EDIL3: variants seen among roughly 807,000 people sequenced by gnomAD.
The protein encoded by EDIL3 is EGF-like repeat and discoidin I-like domain-containing protein 3.
In EDIL3, 37 loss-of-function variants were observed where a neutral mutation model predicts 67.4. The ratio of observed to expected loss-of-function variants is 0.55; its 90% CI spans 0.42 to 0.72. EDIL3 has a LOEUF of 0.72. Among genes scored for constraint, EDIL3 ranks in the 30% least tolerant of loss-of-function variants. The pLI is 0.00. For synonymous variants in EDIL3, 195 were observed against 196.3 expected (o/e 0.99, Z 0.05); for missense variants, 527 against 586.3 (o/e 0.90, Z 1.04).
intron 1 of EDIL3, among the ~76,000 whole-genome samples, chr5:84,312,602 C>A (rs570801952): frequency 1.3e-4 from 18 of 135,724 alleles, no homozygotes; most frequent in African/African-American, 3.5e-4. Flanking sequence ...GCTGGCCGGG[C>A]GGGGGGCTGA....
intron 1 of EDIL3, among the ~76,000 whole-genome samples, chr5:84,283,125 G>C (rs1745737835): frequency 6.6e-6 from 1 of 151,924 alleles, no homozygotes; most frequent in African/African-American, 2.4e-5. Flanking sequence ...TCATATATAG[G>C]AGCAGATATA....
intron 9 of EDIL3, among the ~76,000 whole-genome samples, chr5:84,015,067 A>C (rs779029542): frequency 1.3e-5 from 2 of 152,158 alleles, no homozygotes; most frequent in Non-Finnish European, 2.9e-5. Flanking sequence ...ATAAACCCAC[A>C]AATACTCCAG....
chr5:83,944,019 CAG>C (rs1443267310), intron 10 of EDIL3, among the ~76,000 whole-genome samples: 1 of 151,974 alleles, frequency 6.6e-6, no homozygotes, highest in Non-Finnish European at 1.5e-5. Flanking sequence ...GCAGACTGTG[CAG>C]AGTGTTTAAG....
At chr5:83,951,118 G>C (rs1373203534) in intron 10 of EDIL3, among the ~76,000 whole-genome samples, 1 of 151,594 alleles carries the variant, frequency 6.6e-6, no homozygotes, top group Non-Finnish European at 1.5e-5. Flanking sequence ...TCTAATTATA[G>C]AACATTTTTG....
At chr5:84,284,585 G>A (rs973512621) in intron 1 of EDIL3, among the ~76,000 whole-genome samples, 5 of 152,134 alleles carry the variant, frequency 3.3e-5, no homozygotes, top group African/African-American at 1.2e-4. Context: ...TATTTCCAAG[G>A]AAACTAGTGG....
At chr5:84,314,562 C>G (rs76937044) in intron 1 of EDIL3, among the ~76,000 whole-genome samples, 2,370 of 152,180 alleles carry the variant, frequency 0.016, 71 homozygotes, top group African/African-American at 0.055. Flanking sequence ...TAAATTTCAC[C>G]ATGCTAAAAT....
intron 1 of EDIL3, among the ~76,000 whole-genome samples, chr5:84,356,898 T>TC (rs1747497837): frequency 1.4e-5 from 2 of 142,334 alleles, no homozygotes; most frequent in African/African-American, 2.6e-5. Flanking sequence ...TCTTTTTTTT[T>TC]TTTTTTTTTT....
intron 3 of EDIL3, among the ~76,000 whole-genome samples, chr5:84,199,866 C>G (rs1174942349): frequency 1.3e-5 from 2 of 152,004 alleles, no homozygotes; most frequent in African/African-American, 4.8e-5. Flanking sequence ...AAAGCAGGAG[C>G]CTTGCAAATT....
intron 2 of EDIL3, among the ~76,000 whole-genome samples, chr5:84,247,416 T>G (rs2112067759): frequency 6.6e-6 from 1 of 150,980 alleles, no homozygotes; most frequent in Non-Finnish European, 1.5e-5. Flanking sequence ...CAGACTCTAT[T>G]ATACTACTTG....
chr5:84,254,331 G>C, intron 1 of EDIL3, 119 bp from the exon 2 acceptor site: 9 of 1,146,842 alleles, frequency 7.8e-6, no homozygotes, highest in Non-Finnish European at 1.1e-5. Context: ...GTAATATTAA[G>C]ATTCACACAT....
rs1176045602 is a variant in EDIL3, at chr5:84,106,687, A to C, written c.613T>G (p.Trp205Gly). The C allele has an allele frequency of 6.2e-7, 1 of 1,611,696 alleles. No individual in the cohort carries two copies. The highest frequency in any genetic ancestry group is 8.5e-7 in the Non-Finnish European group (1 of 1,179,070). Reference protein sequence around the residue: ...RLNKKGLINAWTAAENDRWPW... With the variant: ...RLNKKGLINAGTAAENDRWPW... ...CATCTGTCATTTTCTGCAGCTGTCC[A>C]CGCATTTATAAGCCCCTTCTTATTA... Residue 205 changes from tryptophan to glycine, a missense_variant, in exon 6 of 11, where the codon TGG becomes GGG. This residue lies in a region of EDIL3 where 494 missense variants were observed against 522.5 expected (regional missense o/e 0.95). Transcript: ENST00000296591.
intron 9 of EDIL3, among the ~76,000 whole-genome samples, chr5:84,041,709 T>C (rs1005984654): frequency 1.3e-5 from 2 of 149,478 alleles, no homozygotes; most frequent in African/African-American, 2.4e-5. Context: ...TATATATATA[T>C]ATAGATATAT....
At chr5:83,959,824 T>A (rs577119937) in intron 10 of EDIL3, among the ~76,000 whole-genome samples, 1 of 150,992 alleles carries the variant, frequency 6.6e-6, no homozygotes, top group African/African-American at 2.4e-5. Flanking sequence ...CTAGTAATAA[T>A]AAAGCAAAAG....
chr5:84,316,969 C>T (rs1430528089), intron 1 of EDIL3, among the ~76,000 whole-genome samples: 3 of 152,112 alleles, frequency 2.0e-5, no homozygotes, highest in South Asian at 2.1e-4. Flanking sequence ...CTCAAAACCG[C>T]ACAACTACAT....
At chr5:84,122,648 C>T (rs1028270623) in intron 5 of EDIL3, among the ~76,000 whole-genome samples, 14 of 151,770 alleles carry the variant, frequency 9.2e-5, no homozygotes, top group Middle Eastern at 3.4e-3. Flanking sequence ...TGTAATGACA[C>T]GCTGGGGGTG....
At chr5:84,217,721 A>AACATACACAC (rs1744257452) in intron 3 of EDIL3, among the ~76,000 whole-genome samples, 1 of 134,932 alleles carries the variant, frequency 7.4e-6, no homozygotes, top group Admixed American at 7.5e-5. Flanking sequence ...TATACACACA[A>AACATACACAC]ACACACACAC....
chr5:84,182,719 G>C lies in EDIL3; in HGVS notation c.227-2198C>G, dbSNP rs1749035954. Reference sequence around the variant, plus strand: ...GTCTAACAAAGAAACACATGGAACAGGAAACAATGTGGCAACTGTACAGTT... The same window carrying C: ...GTCTAACAAAGAAACACATGGAACACGAAACAATGTGGCAACTGTACAGTT... On this transcript the variant is annotated intron_variant, in intron 3 of 10. Coordinates refer to ENST00000296591, the MANE Select transcript of EDIL3 (RefSeq NM_005711.5). Among the ~76,000 whole-genome samples the C allele has an allele frequency of 2.0e-5, 3 of 152,040 alleles. No individual in the cohort carries two copies. In the South Asian group the frequency reaches 6.2e-4, roughly 32 times the overall value.
At chr5:84,070,364 C>T (rs13436040) in intron 6 of EDIL3, among the ~76,000 whole-genome samples, 3,419 of 152,170 alleles carry the variant, frequency 0.022, 128 homozygotes, top group African/African-American at 0.078. Flanking sequence ...GAACTGTAAA[C>T]GTTTACCCCT....
At chr5:84,272,943 T>C (rs1021610376) in intron 1 of EDIL3, among the ~76,000 whole-genome samples, 2 of 152,186 alleles carry the variant, frequency 1.3e-5, no homozygotes, top group Non-Finnish European at 1.5e-5. Flanking sequence ...GTCAACATTG[T>C]TGTGTTATTT....
Sources: allele counts gnomAD v4.1 joint callset (sites outside exome capture counted in the v4.1 genomes callset), GRCh38; gene constraint gnomAD v4.1.1; regional missense constraint gnomAD v4.1.1; transcripts MANE v1.5; gene names NCBI Gene and HGNC (gene_info 2026-07-23, HGNC 2026-07-21).